THSD4: variants seen among roughly 807,000 people sequenced by gnomAD.
THSD4 encodes thrombospondin type 1 domain containing 4, also known as thrombospondin type-1 domain-containing protein 4.
Under a neutral mutation model 119.0 loss-of-function variants are expected in THSD4, and 69 were observed. The ratio of observed to expected loss-of-function variants is 0.58; its 90% confidence interval spans 0.48 to 0.71. The LOEUF is 0.71. Among genes scored for constraint, THSD4 ranks in the 30% least tolerant of loss-of-function variants. The pLI is 0.00. For missense variants in THSD4, 1,393 were observed against 1,391.1 expected, an observed-to-expected ratio of 1.00 and a Z score of -0.02; for synonymous variants, 524 against 540.4, an observed-to-expected ratio of 0.97 and a Z score of 0.42.
intron 6 of THSD4, among the ~76,000 whole-genome samples, chr15:71,346,868 CTTTTTTTTTTTT>C (rs71154763): frequency 2.3e-5 from 2 of 86,008 alleles, no homozygotes; most frequent in East Asian, 3.7e-4. Flanking sequence ...TTTTCATTTT[CTTTTTTTTTTTT>C]TTTTTTTTTT....
intron 7 of THSD4, among the ~76,000 whole-genome samples, chr15:71,430,392 A>G (rs1026197262): frequency 2.6e-5 from 4 of 152,208 alleles, no homozygotes; most frequent in Admixed American, 6.5e-5. Context: ...TAGAATAATG[A>G]TTTATTATAT....
chr15:71,479,443 G>T (rs2047697363), intron 7 of THSD4, among the ~76,000 whole-genome samples: 1 of 152,004 alleles, frequency 6.6e-6, no homozygotes, highest in Admixed American at 6.6e-5. Context: ...ATTGCTTCTG[G>T]ATTTGGGGTT....
intron 8 of THSD4, among the ~76,000 whole-genome samples, chr15:71,675,213 G>A (rs184991323): frequency 6.6e-6 from 1 of 152,128 alleles, no homozygotes; most frequent in African/African-American, 2.4e-5. Flanking sequence ...AGCCAGCCCT[G>A]TGGTGTTTGG....
At chr15:71,366,285 A>T (rs1328480968) in intron 6 of THSD4, among the ~76,000 whole-genome samples, 1 of 152,106 alleles carries the variant, frequency 6.6e-6, no homozygotes, top group Non-Finnish European at 1.5e-5. Context: ...CATGTTAGCC[A>T]GGATGGTCTC....
At chr15:71,485,897 T>G (rs1276193414) in intron 7 of THSD4, among the ~76,000 whole-genome samples, 2 of 152,302 alleles carry the variant, frequency 1.3e-5, no homozygotes, top group South Asian at 2.1e-4. Context: ...TGGAAATAAT[T>G]AGAACGTCAA....
chr15:71,712,362 A>G (rs535998975), intron 8 of THSD4, among the ~76,000 whole-genome samples: 5 of 152,350 alleles, frequency 3.3e-5, no homozygotes, highest in African/African-American at 1.2e-4. Flanking sequence ...TGTGGGATGC[A>G]GCTAAAGCAG....
intron 1 of THSD4, among the ~76,000 whole-genome samples, chr15:71,100,559 T>C (rs2040249853): frequency 6.6e-6 from 1 of 152,234 alleles, no homozygotes; most frequent in Admixed American, 6.5e-5. Context: ...CATGCCTGCA[T>C]TCCTGACCCA....
At chr15:71,719,954 G>T (rs190555350) in intron 8 of THSD4, among the ~76,000 whole-genome samples, 57 of 151,826 alleles carry the variant, frequency 3.8e-4, no homozygotes, top group Admixed American at 1.3e-3. Flanking sequence ...GGGATTACAG[G>T]CATGAGCCAC....
At chr15:71,203,638 C>T (rs1446423945) in intron 3 of THSD4, among the ~76,000 whole-genome samples, 1 of 152,136 alleles carries the variant, frequency 6.6e-6, no homozygotes, top group African/African-American at 2.4e-5. Context: ...AGTGCTCCAG[C>T]CTGGGCGACA....
intron 6 of THSD4, among the ~76,000 whole-genome samples, chr15:71,401,294 A>G (rs1280978875): frequency 1.3e-5 from 2 of 152,176 alleles, no homozygotes; most frequent in Non-Finnish European, 2.9e-5. Flanking sequence ...TTGAATAGAG[A>G]TGGGAGGGAC....
rs57882308 is a variant in THSD4, at chr15:71,173,567, C to CATAT, written c.99+18653_99+18656dup. 7.8e-3 allele frequency among the ~76,000 whole-genome samples: 1,133 copies of CATAT among 145,932 alleles called. 18 individuals are homozygous for CATAT. The highest frequency in any genetic ancestry group is 0.027 in the African/African-American group (1,078 of 39,660). ...AAAAATAGACCTACACACACACACA[C>CATAT]ATATATATATATATATATATACATT... On this transcript the variant is annotated intron_variant, in intron 3 of 17. Transcript: ENST00000261862.
At chr15:71,558,337 T>A (rs1380697341) in intron 7 of THSD4, among the ~76,000 whole-genome samples, 1 of 152,132 alleles carries the variant, frequency 6.6e-6, no homozygotes, top group Non-Finnish European at 1.5e-5. Context: ...CAGAAAAAAA[T>A]ATATGTGTGT....
At chr15:71,459,364 G>GTCTCTCTCTC (rs1419960435) in intron 7 of THSD4, among the ~76,000 whole-genome samples, 2 of 91,504 alleles carry the variant, frequency 2.2e-5, no homozygotes, top group African/African-American at 6.8e-5. Flanking sequence ...CTCTCTCTCT[G>GTCTCTCTCTC]TCTCTCTGTC....
At chr15:71,226,821 C>G (rs2044021604) in intron 4 of THSD4, among the ~76,000 whole-genome samples, 1 of 152,198 alleles carries the variant, frequency 6.6e-6, no homozygotes, top group Admixed American at 6.5e-5. Context: ...GAAAGCCTCC[C>G]TGGCCATCCT....
chr15:71,123,061 G>A (rs1170903110), intron 1 of THSD4, among the ~76,000 whole-genome samples: 5 of 152,360 alleles, frequency 3.3e-5, no homozygotes, highest in African/African-American at 1.2e-4. Context: ...CTGAGGCTCA[G>A]ATTGGAGGAA....
intron 16 of THSD4, among the ~76,000 whole-genome samples, chr15:71,765,825 C>G (rs2053708600): frequency 6.8e-6 from 1 of 147,206 alleles, no homozygotes; most frequent in South Asian, 2.1e-4. Flanking sequence ...TGTGTGTACA[C>G]TTTTTAAAAA....
Position 71,777,830 on chromosome 15 carries a change from C to T in THSD4, c.*456C>T, listed in dbSNP as rs1264861365. On this transcript the variant is annotated 3_prime_UTR_variant, in exon 18 of 18. Transcript: ENST00000261862. The stretch of plus-strand genomic sequence containing the variant: ...AGCGCCCCACTAAGCCTTGCTGACA[C>T]GCGTGCATCCCTCTGTGACCTCAGC... 2.7e-5 allele frequency: 5 copies of T among 183,006 alleles called. No individual in the cohort carries two copies. The highest frequency in any genetic ancestry group is 1.1e-4 in the Admixed American group (2 of 18,840). The allele number at this position is 183,006 out of a possible 1,614,324, so 11.3% of individuals were successfully genotyped here.
At chr15:71,453,942 A>G (rs950002364) in intron 7 of THSD4, among the ~76,000 whole-genome samples, 3 of 152,094 alleles carry the variant, frequency 2.0e-5, no homozygotes, top group African/African-American at 7.2e-5. Context: ...TGCATGGAAA[A>G]TAACTCAAAT....
At chr15:71,360,556 A>G (rs1016724744) in intron 6 of THSD4, among the ~76,000 whole-genome samples, 8 of 152,186 alleles carry the variant, frequency 5.3e-5, no homozygotes, top group African/African-American at 1.9e-4. Flanking sequence ...CCACCTTAGC[A>G]GGGTCCAGTT....
Sources: allele counts gnomAD v4.1 joint callset (sites outside exome capture counted in the v4.1 genomes callset), GRCh38; gene constraint gnomAD v4.1.1; transcripts MANE v1.5; gene names NCBI Gene and HGNC (gene_info 2026-07-23, HGNC 2026-07-21).